CKAP5: variants seen among roughly 807,000 people sequenced by gnomAD.
CKAP5 encodes the protein cytoskeleton-associated protein 5.
In CKAP5, 27 loss-of-function variants were observed where a neutral mutation model predicts 232.8. That is an observed-to-expected ratio of 0.12 (90% CI 0.09 to 0.16). CKAP5 has a LOEUF of 0.16. Among genes scored for constraint, CKAP5 ranks in the 10% least tolerant of loss-of-function variants. The pLI is 1.00. For synonymous variants in CKAP5, 785 were observed against 841.1 expected (o/e 0.93, Z 1.16); for missense variants, 1,838 against 2,424.7 (o/e 0.76, Z 5.08).
At chr11:46,813,464 A>G (rs1939321265) in intron 4 of CKAP5, among the ~76,000 whole-genome samples, 1 of 152,140 alleles carries the variant, frequency 6.6e-6, no homozygotes, top group South Asian at 2.1e-4. Context: ...ATAAAATAAA[A>G]CCTAATTTTG....
At chr11:46,812,723 G>A (rs564408915) in intron 4 of CKAP5, among the ~76,000 whole-genome samples, 84 of 151,726 alleles carry the variant, frequency 5.5e-4, no homozygotes, top group African/African-American at 1.9e-3. Flanking sequence ...CTGCAGCCTC[G>A]ACCTTCCCTG....
At chr11:46,793,750 C>T (rs759202294) in intron 13 of CKAP5, among the ~76,000 whole-genome samples, 4 of 152,170 alleles carry the variant, frequency 2.6e-5, no homozygotes, top group Non-Finnish European at 4.4e-5. Context: ...CGGCAAAACC[C>T]CATCTCTACT....
chr11:46,748,832 TTTTG>T (rs746088339), intron 42 of CKAP5, among the ~76,000 whole-genome samples: 21 of 151,804 alleles, frequency 1.4e-4, no homozygotes, highest in Non-Finnish European at 1.9e-4. Context: ...ACTTTAGTTT[TTTTG>T]TTTGTTTGTT....
chr11:46,762,283 G>GA, intron 31 of CKAP5, 90 bp from the exon 32 acceptor site: 5 of 1,350,700 alleles, frequency 3.7e-6, no homozygotes, highest in Non-Finnish European at 5.2e-6. Context: ...TGGCATATAT[G>GA]AAGGACTAAA....
intron 1 of CKAP5, among the ~76,000 whole-genome samples, chr11:46,845,952 T>G (rs1029654634): frequency 1.3e-5 from 2 of 151,552 alleles, no homozygotes; most frequent in African/African-American, 4.8e-5. Flanking sequence ...CCGCGGACGC[T>G]GCCACCCGCG....
chr11:46,745,197 A>C (rs1384032023), intron 42 of CKAP5, among the ~76,000 whole-genome samples: 1 of 152,226 alleles, frequency 6.6e-6, no homozygotes, highest in Non-Finnish European at 1.5e-5. Flanking sequence ...CAATGATACA[A>C]TGCGGGCCTT....
chr11:46,778,369 G>A (rs751235375), intron 21 of CKAP5, 56 bp from the exon 22 acceptor site: 51 of 1,599,772 alleles, frequency 3.2e-5, no homozygotes, highest in East Asian at 4.5e-5. Flanking sequence ...ATGATATCAC[G>A]TTAAGTTCCC....
chr11:46,776,230 C>G, intron 24 of CKAP5, 25 bp downstream of exon 24: 1 of 1,608,772 alleles, frequency 6.2e-7, no homozygotes, highest in African/African-American at 1.3e-5. Context: ...ATGAGTAATG[C>G]ACATGATTAA....
chr11:46,801,172 T>C, intron 9 of CKAP5, 28 bp downstream of exon 9: 2 of 1,512,996 alleles, frequency 1.3e-6, no homozygotes, highest in Non-Finnish European at 1.8e-6. Flanking sequence ...ATTTTGTTGA[T>C]CTGTATCTAA....
intron 2 of CKAP5, among the ~76,000 whole-genome samples, chr11:46,819,875 ATTTATTTT>A (rs1939487563): frequency 6.6e-6 from 1 of 152,092 alleles, no homozygotes; most frequent in South Asian, 2.1e-4. Flanking sequence ...TTTAAACCAG[ATTTATTTT>A]TTTATTTTTT....
chr11:46,787,382 C>T (rs1270075857), intron 16 of CKAP5, among the ~76,000 whole-genome samples: 1 of 152,154 alleles, frequency 6.6e-6, no homozygotes, highest in African/African-American at 2.4e-5. Context: ...TGATACATTT[C>T]AAGTTTGTTT....
chr11:46,784,848 C>T (rs1323310994), intron 16 of CKAP5, among the ~76,000 whole-genome samples, 175 bp from the exon 17 acceptor site: 1 of 151,880 alleles, frequency 6.6e-6, no homozygotes, highest in Non-Finnish European at 1.5e-5. Flanking sequence ...TAATTGTTAC[C>T]AATTACTTAA....
intron 4 of CKAP5, among the ~76,000 whole-genome samples, chr11:46,815,949 C>A (rs995960249): frequency 6.6e-6 from 1 of 152,202 alleles, no homozygotes; most frequent in Non-Finnish European, 1.5e-5. Flanking sequence ...CCCCTGAGCT[C>A]TGCCTCCTGC....
intron 9 of CKAP5, 119 bp downstream of exon 9, chr11:46,801,081 T>C (rs1939020735): frequency 1.7e-6 from 1 of 586,808 alleles, no homozygotes; most frequent in Non-Finnish European, 3.1e-6. Context: ...AGAGAGAAAT[T>C]TACTTTGTAC....
intron 28 of CKAP5, 127 bp downstream of exon 28, chr11:46,764,996 TAAATAATA>T: frequency 1.3e-6 from 1 of 783,732 alleles, no homozygotes. Flanking sequence ...TCCCATAAAC[TAAATAATA>T]TAATTTATAA....
chr11:46,833,492 TG>T lies in CKAP5; in HGVS notation c.-37-12225del, dbSNP rs199872278. On this transcript the variant is annotated intron_variant, in intron 1 of 43. Coordinates refer to ENST00000529230, the MANE Select transcript of CKAP5 (RefSeq NM_001008938.4). ...TTGTTATTATTATTAATTTTTTTTTTGTTTTGAGACGGAGTCTGGCTCTGTC... is the reference window on the plus strand; with the variant it reads ...TTGTTATTATTATTAATTTTTTTTTTTTTTGAGACGGAGTCTGGCTCTGTC... Among the ~76,000 whole-genome samples the T allele has an allele frequency of 3.5e-3, 524 of 150,394 alleles. 3 individuals are homozygous for T. The highest frequency in any genetic ancestry group is 0.018 in the South Asian group (87 of 4,762).
chr11:46,807,310 C>A (rs1020818580), intron 8 of CKAP5, among the ~76,000 whole-genome samples: 1 of 152,172 alleles, frequency 6.6e-6, no homozygotes, highest in Non-Finnish European at 1.5e-5. Context: ...AATATAACTA[C>A]TACAAGTAAT....
intron 36 of CKAP5, 39 bp from the exon 37 acceptor site, chr11:46,753,536 A>T: frequency 1.4e-6 from 2 of 1,439,054 alleles, no homozygotes; most frequent in Non-Finnish European, 1.9e-6. Flanking sequence ...TGTAAAACTC[A>T]ATATAGAGAG....
At chr11:46,829,017 ATTGT>A (rs1425417749) in intron 1 of CKAP5, among the ~76,000 whole-genome samples, 4 of 152,254 alleles carry the variant, frequency 2.6e-5, no homozygotes, top group African/African-American at 7.2e-5. Context: ...ATTTTATACT[ATTGT>A]TTTTTACCAT....
Sources: gnomAD v4.1 joint callset for allele counts (sites outside exome capture counted in the v4.1 genomes callset) on GRCh38, gnomAD v4.1.1 for gene constraint, MANE v1.5 for transcripts, NCBI Gene and HGNC (gene_info 2026-07-23, HGNC 2026-07-21) for gene names.